VCP: variants seen among roughly 807,000 people sequenced by gnomAD.
VCP encodes the protein transitional endoplasmic reticulum ATPase.
A neutral mutation model predicts 85.7 loss-of-function variants in VCP; 6 were observed. The ratio of observed to expected loss-of-function variants is 0.07; its 90% CI spans 0.04 to 0.14. The LOEUF (loss-of-function observed/expected upper bound fraction) is 0.14. Among genes scored for constraint, VCP ranks in the 10% least tolerant of loss-of-function variants. The pLI, the probability that VCP is intolerant of heterozygous loss-of-function variation, is 1.00. For synonymous variants in VCP, 384 were observed against 367.1 expected (o/e 1.05, Z -0.53); for missense variants, 353 against 1,043.4 (o/e 0.34, Z 9.12).
At position 35,056,901 on chromosome 9, in the gene VCP, C is replaced by T. The variant is rs567542622; in HGVS notation, c.*216G>A. On this transcript the variant is annotated 3_prime_UTR_variant, in exon 17 of 17. Coordinates refer to ENST00000358901, the MANE Select transcript of VCP (RefSeq NM_007126.5). The stretch of plus-strand genomic sequence containing the variant: ...AATTCCCTGTTGGTAATTCACTCTC[C>T]GCCTACCAAATGAAAATCGCTTTTA... 134 of 556,218 alleles carry T rather than the reference C, an allele frequency of 2.4e-4. 1 individual carries two copies. The highest frequency in any genetic ancestry group is 4.0e-4 in the Non-Finnish European group (121 of 306,032). 34.5% of individuals were successfully genotyped at this position (556,218 alleles called of 1,614,324 possible).
intron 5 of VCP, among the ~76,000 whole-genome samples, chr9:35,064,970 C>T (rs1422352309): frequency 5.3e-5 from 8 of 152,298 alleles, no homozygotes; most frequent in Non-Finnish European, 4.4e-5. Flanking sequence ...TGGGTTCAAC[C>T]GATTCTCCTG....
intron 3 of VCP, among the ~76,000 whole-genome samples, chr9:35,067,529 G>C (rs534412684): frequency 6.6e-6 from 1 of 152,224 alleles, no homozygotes; most frequent in East Asian, 1.9e-4. Context: ...CCATCAATTA[G>C]ACATACTAGT....
In VCP at chr9:35,060,529, G is replaced by A; in HGVS notation, c.1483-4C>T. On this transcript the variant is annotated splice_region_variant and splice_polypyrimidine_tract_variant and intron_variant, in intron 12 of 16. Transcript: ENST00000358901. ...TGTCTGGGTGCTCCACAGGATACTA[G>A]GAGGAAAAGGAAAGAGGGTTCAAGG... The A allele has an allele frequency of 6.2e-7, 1 of 1,613,802 alleles. No homozygotes were observed. Among genetic ancestry groups the A allele is most frequent in the Admixed American group, 1.7e-5 (1 of 60,026 alleles).
chr9:35,057,966 G>A (rs1828643773), intron 15 of VCP: 1 of 298,122 alleles, frequency 3.4e-6, no homozygotes, highest in Non-Finnish European at 6.5e-6. Context: ...ATGGCTTTCA[G>A]TGCTTACCAC....
intron 6 of VCP, 119 bp from the exon 7 acceptor site, chr9:35,063,199 GC>G (rs1198600401): frequency 5.9e-6 from 5 of 849,110 alleles, no homozygotes; most frequent in Non-Finnish European, 9.9e-6. Flanking sequence ...TTAAGAATAA[GC>G]CCTCCGCAGT....
At chr9:35,058,586 C>A (rs1047844644) in intron 15 of VCP, among the ~76,000 whole-genome samples, 2 of 152,030 alleles carry the variant, frequency 1.3e-5, no homozygotes, top group Non-Finnish European at 2.9e-5. Flanking sequence ...CGTGGTGAAA[C>A]CACGTTTCTA....
In VCP at chr9:35,057,697, C is replaced by T. The variant is rs1466891134; in HGVS notation, c.2161-167G>A. On this transcript the variant is annotated intron_variant, in intron 15 of 16. Transcript: ENST00000358901. The stretch of plus-strand genomic sequence containing the variant: ...ATTGAGTCACTGCTCTGCTTAAAAA[C>T]TTGTCAATGCACTCTGGAAAAGGGA... 5.9e-6 allele frequency: 5 copies of T among 854,428 alleles called. 1 individual carries two copies. Among genetic ancestry groups the T allele is most frequent in the Non-Finnish European group, 9.6e-6 (5 of 518,878 alleles). The allele number at this position is 854,428 out of a possible 1,614,324, so 52.9% of individuals were successfully genotyped here. A position where few individuals can be genotyped will look rare whatever the true frequency, so the allele number is the denominator to read the frequency against.
chr9:35,058,457 T>C (rs1048852580), intron 15 of VCP, among the ~76,000 whole-genome samples: 5 of 152,178 alleles, frequency 3.3e-5, no homozygotes, highest in Non-Finnish European at 2.9e-5. Context: ...CAGGGATAAG[T>C]ATATGAGTCT....
intron 1 of VCP, 151 bp downstream of exon 1, chr9:35,072,186 C>T: frequency 7.0e-7 from 1 of 1,421,916 alleles, no homozygotes; most frequent in African/African-American, 1.5e-5. Flanking sequence ...CTGCCGGGTC[C>T]ACGGCCCCTC....
In VCP at chr9:35,056,728, T is replaced by A. The variant is rs2131025494; in HGVS notation, c.*389A>T. ...GTGGCCCCTACCCACCTACCCAGGTTGGATAGGGGGAAGGGAGGGCTCGGG... is the reference window on the plus strand; with the variant it reads ...GTGGCCCCTACCCACCTACCCAGGTAGGATAGGGGGAAGGGAGGGCTCGGG... On this transcript the variant is annotated 3_prime_UTR_variant, in exon 17 of 17. Transcript: ENST00000358901. 3.4e-6 allele frequency: 1 copy of A among 293,790 alleles called. No individual in the cohort carries two copies. Among genetic ancestry groups the A allele is most frequent in the African/African-American group, 2.2e-5 (1 of 46,358 alleles). 18.2% of individuals were successfully genotyped at this position (293,790 alleles called of 1,614,324 possible). A position where few individuals can be genotyped will look rare whatever the true frequency, so the allele number is the denominator to read the frequency against.
At chr9:35,072,064 C>T (rs1370959263) in intron 1 of VCP, 3 of 1,270,996 alleles carry the variant, frequency 2.4e-6, no homozygotes, top group Middle Eastern at 3.1e-4. Flanking sequence ...GGGAGCCAAT[C>T]GGGCGGGCCG....
chr9:35,061,653 T>A lies in VCP; in HGVS notation c.1118A>T (p.Asp373Val). The change falls in exon 10 of 17, where the codon GAT (aspartate) becomes GTT (valine). Residue 373 changes from aspartate (D) to valine (V), a missense_variant. Asp to Val is a radical substitution (Grantham distance 152). Transcript: ENST00000358901. ...FDREVDIGIP[D>V]ATGRLEILQI... is the part of the protein sequence containing the mutation. ...AAGAATCTCTAAGCGTCCTGTAGCA[T>A]CAGGAATTCCAATATCTACCTCCCT... 6.2e-7 allele frequency: 1 copy of A among 1,614,086 alleles called. No homozygotes were observed. Among genetic ancestry groups the A allele is most frequent in the Non-Finnish European group, 8.5e-7 (1 of 1,180,024 alleles).
chr9:35,056,933 C>T lies in VCP; in HGVS notation c.*184G>A, dbSNP rs886063889. Reference sequence around the variant, plus strand: ...CAAATGAAAATCGCTTTTATTTTATCGCTTTTGTTTTGTATTTTTGCAACA... The same window carrying T: ...CAAATGAAAATCGCTTTTATTTTATTGCTTTTGTTTTGTATTTTTGCAACA... On this transcript the variant is annotated 3_prime_UTR_variant, in exon 17 of 17. Transcript: ENST00000358901. 6.2e-6 allele frequency: 4 copies of T among 645,558 alleles called. No individual in the cohort carries two copies. Among genetic ancestry groups the T allele is most frequent in the East Asian group, 2.8e-5 (1 of 35,456 alleles). The allele number at this position is 645,558 out of a possible 1,614,324, so 40.0% of individuals were successfully genotyped here.
rs1326521956 is a variant in VCP at position 35,056,558 on chromosome 9, C to G, written c.*559G>C. On this transcript the variant is annotated 3_prime_UTR_variant, in exon 17 of 17. Coordinates refer to ENST00000358901, the MANE Select transcript of VCP (RefSeq NM_007126.5). The stretch of plus-strand genomic sequence containing the variant: ...AGAAGCAGGCACAGGGCCCAGGACT[C>G]AGGCTCCATTTTGACCCAACGTTTA... The G allele has an allele frequency of 5.9e-6, 1 of 170,420 alleles. No homozygotes were observed. Among genetic ancestry groups the G allele is most frequent in the Non-Finnish European group, 1.3e-5 (1 of 77,858 alleles). The allele number at this position is 170,420 out of a possible 1,614,324, so 10.6% of individuals were successfully genotyped here.
At chr9:35,058,340 G>T (rs568303458) in intron 15 of VCP, among the ~76,000 whole-genome samples, 280 of 152,270 alleles carry the variant, frequency 1.8e-3, no homozygotes, top group African/African-American at 6.5e-3. Context: ...AAGACATAGT[G>T]GAAAACAAGT....
intron 1 of VCP, 73 bp downstream of exon 1, chr9:35,072,264 C>A: frequency 6.8e-7 from 1 of 1,481,342 alleles, no homozygotes; most frequent in South Asian, 1.3e-5. Flanking sequence ...CGGCCAGGCC[C>A]CGCCGGGCCT....
Position 35,059,046 on chromosome 9 carries a change from GA to G in VCP, c.2160+17del. 6.2e-7 allele frequency: 1 copy of G among 1,613,562 alleles called. No individual in the cohort carries two copies. The highest frequency in any genetic ancestry group is 8.5e-7 in the Non-Finnish European group (1 of 1,180,004). On this transcript the variant is annotated intron_variant, in intron 15 of 16. Transcript: ENST00000358901. The surrounding 1 kb of genome is among the most constrained non-coding windows in gnomAD (Gnocchi z 4.9). ...GCTCTCCATGATTGGCACATCTGGG[GA>G]AAGGATGCAGACTCACCATGGCTGA...
In VCP at chr9:35,057,052, A is replaced by G; in HGVS notation, c.*65T>C. The G allele has an allele frequency of 6.4e-7, 1 of 1,555,380 alleles. No homozygotes were observed. Among genetic ancestry groups the G allele is most frequent in the Non-Finnish European group, 8.9e-7 (1 of 1,129,696 alleles). On this transcript the variant is annotated 3_prime_UTR_variant, in exon 17 of 17. Coordinates refer to ENST00000358901, the MANE Select transcript of VCP (RefSeq NM_007126.5). ...GCACCCCTGGTCCCTCTCCTGGGCAAGCGCCCCCACCCCCAGGGAACAAGG... is the reference window on the plus strand; with the variant it reads ...GCACCCCTGGTCCCTCTCCTGGGCAGGCGCCCCCACCCCCAGGGAACAAGG...
At chr9:35,068,195 G>A in intron 2 of VCP, 56 bp downstream of exon 2, 3 of 1,607,884 alleles carry the variant, frequency 1.9e-6, no homozygotes, top group Non-Finnish European at 2.6e-6. Flanking sequence ...AAGAAACCTG[G>A]GAAAATCCCT....
Sources: gnomAD v4.1 joint callset for allele counts (sites outside exome capture counted in the v4.1 genomes callset) on GRCh38, gnomAD v4.1.1 for gene constraint, Gnocchi (gnomAD v3.1) non-coding constraint, MANE v1.5 for transcripts, NCBI Gene and HGNC (gene_info 2026-07-23, HGNC 2026-07-21) for gene names.